PTMA: variants seen among roughly 807,000 people sequenced by gnomAD.
The protein encoded by PTMA is gene sequence 28.
A neutral mutation model predicts 16.9 loss-of-function variants in PTMA; 4 were observed. The observed-to-expected ratio is 0.24, with a 90% CI of 0.12 to 0.54. The LOEUF (loss-of-function observed/expected upper bound fraction) is 0.54. PTMA is among the 20% of genes least tolerant of loss of function. The probability of loss-of-function intolerance (pLI) is 0.95; values close to 1 mark genes in which losing one functional copy is unlikely to be tolerated. For synonymous variants in PTMA, 58 were observed against 47.9 expected, an observed-to-expected ratio of 1.21 and a Z score of -0.87; for missense variants, 120 against 137.7, an observed-to-expected ratio of 0.87 and a Z score of 0.64.
At chr2:231,711,019 C>T (rs1319321236) in intron 1 of PTMA, 6 of 266,946 alleles carry the variant, frequency 2.2e-5, no homozygotes, top group Non-Finnish European at 3.6e-5. Context: ...GTGTCCGGGG[C>T]TCGTCCACCC....
chr2:231,710,319 C>A, intron 1 of PTMA: 1 of 1,236,940 alleles, frequency 8.1e-7, no homozygotes, highest in Non-Finnish European at 1.0e-6. Context: ...ACGCACTCGG[C>A]GGCCCCGGGC....
At chr2:231,711,491 A>T in intron 2 of PTMA, 72 bp downstream of exon 2, 1 of 1,362,274 alleles carries the variant, frequency 7.3e-7, no homozygotes, top group Non-Finnish European at 1.0e-6. Context: ...TACTTTAAAC[A>T]TACCTATATA....
chr2:231,710,269 G>T, intron 1 of PTMA: 1 of 1,317,320 alleles, frequency 7.6e-7, no homozygotes, highest in South Asian at 2.3e-5. Flanking sequence ...GCGTGCCACT[G>T]CAAGCTCTGC....
intron 1 of PTMA, chr2:231,710,086 GAGT>G: frequency 2.4e-6 from 3 of 1,235,750 alleles, no homozygotes; most frequent in Non-Finnish European, 3.0e-6. Context: ...CGAGGGCGAT[GAGT>G]AGTAGCCCGA....
At chr2:231,711,708 T>G in intron 2 of PTMA, 182 bp from the exon 3 acceptor site, 1 of 1,133,144 alleles carries the variant, frequency 8.8e-7, no homozygotes. Flanking sequence ...GGGCAGTTAA[T>G]GTGCAGGTTT....
At chr2:231,709,414 G>T (rs1195506290) in intron 1 of PTMA, among the ~76,000 whole-genome samples, 1 of 152,184 alleles carries the variant, frequency 6.6e-6, no homozygotes, top group Non-Finnish European at 1.5e-5. Flanking sequence ...AGTGCGCCGG[G>T]AGCGGCCGCC....
At position 231,712,895 on chromosome 2, in the gene PTMA, G is replaced by A. The variant is rs13022221; in HGVS notation, c.*44G>A. On this transcript the variant is annotated 3_prime_UTR_variant, in exon 5 of 5. Transcript: ENST00000409115. ...TTAAACTAAAAAAAAAAAGGCCGCC[G>A]TGACCTATTCACCCTCCACTTCCCG... 2.4e-5 allele frequency: 36 copies of A among 1,512,966 alleles called. No individual in the cohort carries two copies. Among genetic ancestry groups the A allele is most frequent in the Admixed American group, 6.3e-5 (3 of 47,464 alleles). The allele number at this position is 1,512,966 out of a possible 1,614,324, so 93.7% of individuals were successfully genotyped here.
intron 1 of PTMA, 72 bp downstream of exon 1, chr2:231,708,823 C>A: frequency 6.5e-7 from 1 of 1,536,502 alleles, no homozygotes; most frequent in South Asian, 1.1e-5. Context: ...CGCGCAGCAG[C>A]TGGACTGTCT....
intron 3 of PTMA, 71 bp from the exon 4 acceptor site, chr2:231,712,372 G>GGA (rs2048529696): frequency 6.6e-7 from 1 of 1,509,496 alleles, no homozygotes; most frequent in African/African-American, 1.4e-5. Flanking sequence ...TCCACTACAT[G>GGA]TTCCTCGGGA....
Position 231,713,341 on chromosome 2 carries a change from T to C in PTMA, c.*490T>C, listed in dbSNP as rs763948802. ...CTTATTCCGAGCATTCCAGTAACTT[T>C]TTTGTGTATGTACTTAGCTGTACTA... On this transcript the variant is annotated 3_prime_UTR_variant, in exon 5 of 5. Transcript: ENST00000409115. The C allele has an allele frequency of 3.9e-5, 20 of 509,900 alleles. No homozygotes were observed. The Middle Eastern group carries it at 1.7e-3, about 42-fold the overall frequency. The allele number at this position is 509,900 out of a possible 1,614,324, so 31.6% of individuals were successfully genotyped here. A position where few individuals can be genotyped will look rare whatever the true frequency, so the allele number is the denominator to read the frequency against.
rs11558924 is a variant in PTMA, at chr2:231,708,663, C to T, written c.-44C>T. The T allele has an allele frequency of 6.3e-7, 1 of 1,597,744 alleles. No individual in the cohort carries two copies. Among genetic ancestry groups the T allele is most frequent in the Non-Finnish European group, 8.5e-7 (1 of 1,177,872 alleles). ...TATCGCCAGAGTCCCTGAACTCTCGCTTTCTTTTTAATCCCCTGCATCGGA... is the reference window on the plus strand; with the variant it reads ...TATCGCCAGAGTCCCTGAACTCTCGTTTTCTTTTTAATCCCCTGCATCGGA... On this transcript the variant is annotated 5_prime_UTR_variant, in exon 1 of 5. Transcript: ENST00000409115.
intron 1 of PTMA, chr2:231,710,673 C>A: frequency 2.3e-6 from 1 of 432,932 alleles, no homozygotes; most frequent in South Asian, 1.6e-5. Flanking sequence ...GTCCCACCCC[C>A]GAGGTGCTGT....
At chr2:231,709,982 C>G (rs1460173964) in intron 1 of PTMA, 2 of 997,742 alleles carry the variant, frequency 2.0e-6, no homozygotes, top group Admixed American at 4.4e-5. Flanking sequence ...CTTCTGGACT[C>G]AGTCCGGGAA....
Position 231,708,614 on chromosome 2 carries a change from C to A in PTMA, c.-93C>A. ...AGCCGCCTCCGCCGCGCGCCTCCTC[C>A]GCCGCCGCGGACTCCGGCAGCTTTA... is the stretch of plus-strand genomic sequence containing the variant. On this transcript the variant is annotated 5_prime_UTR_variant, in exon 1 of 5. Coordinates refer to ENST00000409115, the MANE Select transcript of PTMA (RefSeq NM_002823.5). 6.5e-7 allele frequency: 1 copy of A among 1,539,524 alleles called. No homozygotes were observed. Among genetic ancestry groups the A allele is most frequent in the Non-Finnish European group, 8.9e-7 (1 of 1,129,246 alleles).
chr2:231,712,004 TC>T, intron 3 of PTMA, 21 bp downstream of exon 3: 2 of 1,555,006 alleles, frequency 1.3e-6, no homozygotes, highest in Non-Finnish European at 1.7e-6. Context: ...TTGTCTATCT[TC>T]CCCTTTTCAG....
intron 1 of PTMA, among the ~76,000 whole-genome samples, chr2:231,709,194 C>T (rs559418813): frequency 4.6e-5 from 7 of 152,088 alleles, no homozygotes; most frequent in Non-Finnish European, 1.5e-5. Flanking sequence ...TGGCGGCGAG[C>T]GCCCGCCGGC....
intron 1 of PTMA, among the ~76,000 whole-genome samples, 198 bp downstream of exon 1, chr2:231,708,949 G>T (rs1398863184): frequency 6.6e-6 from 1 of 152,224 alleles, no homozygotes; most frequent in Non-Finnish European, 1.5e-5. Context: ...GCGGGCAGAC[G>T]TGATGCCCGT....
In PTMA at chr2:231,711,966, A is replaced by G; in HGVS notation, c.194A>G (p.Glu65Gly). 1.3e-6 allele frequency: 2 copies of G among 1,577,846 alleles called. No individual in the cohort carries two copies. Among genetic ancestry groups the G allele is most frequent in the Non-Finnish European group, 1.7e-6 (2 of 1,161,234 alleles). ...GAAGAAGGTGGGGAGGAAGAGGAGG[A>G]GGAAGAAGAAGGTGATGGTGAGTAG... ...EEEEGGEEEE[E>G]EEEGDGEEED... The change falls in exon 3 of 5, where the codon GAG becomes GGG. Residue 65 changes from glutamate to glycine, a missense_variant. Physicochemically the swap from Glu to Gly is moderately conservative, Grantham distance 98 (BLOSUM62 -2). Transcript: ENST00000409115.
intron 2 of PTMA, 57 bp downstream of exon 2, chr2:231,711,476 T>A: frequency 1.3e-6 from 2 of 1,530,250 alleles, no homozygotes; most frequent in South Asian, 1.1e-5. Flanking sequence ...AAATTTTTCC[T>A]GTTCTACTTT....
Sources: gnomAD v4.1 joint callset for allele counts (sites outside exome capture counted in the v4.1 genomes callset) on GRCh38, gnomAD v4.1.1 for gene constraint, MANE v1.5 for transcripts, NCBI Gene and HGNC (gene_info 2026-07-23, HGNC 2026-07-21) for gene names.